CSMD3: variants seen among roughly 807,000 people sequenced by gnomAD.
The protein encoded by CSMD3 is CUB and Sushi multiple domains 3.
Under a neutral mutation model 435.2 loss-of-function variants are expected in CSMD3, and 177 were observed. The ratio of observed to expected loss-of-function variants is 0.41; its 90% confidence interval spans 0.36 to 0.46. CSMD3 has a LOEUF of 0.46. Ranked by LOEUF, CSMD3 falls within the 20% of genes least tolerant of loss-of-function variation. The pLI, the probability that CSMD3 is intolerant of heterozygous loss-of-function variation, is 0.34. For synonymous variants in CSMD3, 1,656 were observed against 1,520.5 expected, an observed-to-expected ratio of 1.09 and a Z score of -2.07; for missense variants, 4,265 against 4,504.6, an observed-to-expected ratio of 0.95 and a Z score of 1.52.
At chr8:112,362,104 G>A (rs948137783) in intron 38 of CSMD3, among the ~76,000 whole-genome samples, 1 of 151,926 alleles carries the variant, frequency 6.6e-6, no homozygotes, top group Non-Finnish European at 1.5e-5. Context: ...CCCAATATGA[G>A]TTGGTGTACT....
chr8:112,386,789 G>A lies in CSMD3; in HGVS notation c.5935-3126C>T, dbSNP rs1044819328. 1.7e-4 allele frequency among the ~76,000 whole-genome samples: 26 copies of A among 152,186 alleles called. No homozygotes were observed. The East Asian group carries it at 1.7e-3, about 10-fold the overall frequency. On this transcript the variant is annotated intron_variant, in intron 36 of 70. Coordinates refer to ENST00000297405, the MANE Select transcript of CSMD3 (RefSeq NM_198123.2). ...TGGGATTACAGGCGTGAGCCACCGC[G>A]CCCGGCCCAACTAAAGATTTTAAAA...
At chr8:112,229,567 T>C (rs1346693807) in intron 69 of CSMD3, among the ~76,000 whole-genome samples, 1 of 152,124 alleles carries the variant, frequency 6.6e-6, no homozygotes, top group Non-Finnish European at 1.5e-5. Context: ...TAGCTGGGAC[T>C]GCAGGCACAT....
At chr8:113,302,318 T>A (rs1331924947) in intron 2 of CSMD3, among the ~76,000 whole-genome samples, 2 of 142,334 alleles carry the variant, frequency 1.4e-5, no homozygotes, top group East Asian at 2.0e-4. Flanking sequence ...ATTATATATA[T>A]AATAATATAA....
chr8:112,246,096 A>G (rs529004019), intron 64 of CSMD3, among the ~76,000 whole-genome samples: 2 of 148,154 alleles, frequency 1.3e-5, no homozygotes, highest in Non-Finnish European at 1.5e-5. Flanking sequence ...TTTAAAGTAC[A>G]CATTCTGAGG....
intron 1 of CSMD3, among the ~76,000 whole-genome samples, chr8:113,378,606 A>ATT (rs2094400425): frequency 6.6e-6 from 1 of 152,198 alleles, no homozygotes. Flanking sequence ...GCGAACCTAA[A>ATT]AAGAGCCTTG....
chr8:113,006,404 C>G (rs996644097), intron 6 of CSMD3, among the ~76,000 whole-genome samples: 3 of 152,014 alleles, frequency 2.0e-5, no homozygotes, highest in Non-Finnish European at 2.9e-5. Context: ...TTGGTGAGGA[C>G]CCTTCTAACA....
chr8:113,130,652 A>G (rs2091261327), intron 4 of CSMD3, among the ~76,000 whole-genome samples: 1 of 152,114 alleles, frequency 6.6e-6, no homozygotes, highest in Non-Finnish European at 1.5e-5. Flanking sequence ...TTGTACTTGG[A>G]GTGGCACACT....
chr8:112,262,372 G>A (rs1816500541), intron 61 of CSMD3, among the ~76,000 whole-genome samples: 1 of 151,950 alleles, frequency 6.6e-6, no homozygotes, highest in African/African-American at 2.4e-5. Flanking sequence ...TTTTATATCT[G>A]CCAAGGACTA....
intron 3 of CSMD3, among the ~76,000 whole-genome samples, chr8:113,219,400 CA>C (rs923462299): frequency 4.1e-5 from 6 of 145,740 alleles, no homozygotes; most frequent in Admixed American, 6.9e-5. Context: ...ACACTAAATG[CA>C]AAAAAAAATA....
intron 38 of CSMD3, among the ~76,000 whole-genome samples, chr8:112,367,050 T>C (rs772627951): frequency 1.3e-5 from 2 of 152,164 alleles, no homozygotes; most frequent in Non-Finnish European, 2.9e-5. Flanking sequence ...TTGCTTTGTA[T>C]GTCTGTAACT....
intron 23 of CSMD3, among the ~76,000 whole-genome samples, chr8:112,580,566 T>C (rs1830268952): frequency 6.7e-6 from 1 of 149,436 alleles, no homozygotes; most frequent in Non-Finnish European, 1.5e-5. Flanking sequence ...TACTGGGGGT[T>C]GGTCAGGCAA....
chr8:112,971,410 A>C (rs985458693), intron 7 of CSMD3, among the ~76,000 whole-genome samples: 2 of 152,156 alleles, frequency 1.3e-5, no homozygotes, highest in Non-Finnish European at 2.9e-5. Flanking sequence ...GTCTCAGCCT[A>C]GTTCTTTGAC....
chr8:112,484,931 G>T (rs1225779968), intron 31 of CSMD3, among the ~76,000 whole-genome samples: 1 of 152,078 alleles, frequency 6.6e-6, no homozygotes. Context: ...TTGTGGATTA[G>T]GGATTCTCAA....
intron 9 of CSMD3, among the ~76,000 whole-genome samples, chr8:112,933,496 C>A (rs2083183004): frequency 6.6e-6 from 1 of 152,072 alleles, no homozygotes; most frequent in African/African-American, 2.4e-5. Flanking sequence ...ATCTCTCCAC[C>A]AAGTCCTAGG....
intron 5 of CSMD3, among the ~76,000 whole-genome samples, chr8:113,055,097 T>A (rs2088263037): frequency 6.6e-6 from 1 of 152,186 alleles, no homozygotes; most frequent in African/African-American, 2.4e-5. Context: ...TAGTTTATTA[T>A]CTGTAACACC....
intron 10 of CSMD3, among the ~76,000 whole-genome samples, chr8:112,908,550 T>G (rs2082323766): frequency 6.6e-6 from 1 of 151,492 alleles, no homozygotes; most frequent in African/African-American, 2.4e-5. Flanking sequence ...CTGATCACAT[T>G]CCTCCCAGGT....
At chr8:112,237,082 G>A in intron 67 of CSMD3, 108 bp downstream of exon 67, 2 of 1,282,376 alleles carry the variant, frequency 1.6e-6, no homozygotes, top group Middle Eastern at 3.9e-4. Flanking sequence ...AAAAGCAAAT[G>A]TATCAAAATA....
At chr8:112,324,859 GC>G (rs911148040) in intron 45 of CSMD3, among the ~76,000 whole-genome samples, 3 of 152,040 alleles carry the variant, frequency 2.0e-5, no homozygotes, top group Non-Finnish European at 4.4e-5. Context: ...AGAGTGGATA[GC>G]AAGAGACTAC....
At chr8:112,460,145 C>T (rs1212151488) in intron 32 of CSMD3, among the ~76,000 whole-genome samples, 2 of 151,996 alleles carry the variant, frequency 1.3e-5, no homozygotes, top group Admixed American at 1.3e-4. Flanking sequence ...TTTCTAATTC[C>T]TTTTCCTGTG....
Sources: allele counts gnomAD v4.1 joint callset (sites outside exome capture counted in the v4.1 genomes callset), GRCh38; gene constraint gnomAD v4.1.1; transcripts MANE v1.5; gene names NCBI Gene and HGNC (gene_info 2026-07-23, HGNC 2026-07-21).